Variants in CDK19 observed in about 807,000 individuals in gnomAD.
CDK19 encodes the protein cyclin-dependent kinase 19.
CDK19 carries 20 observed loss-of-function variants against 68.3 expected under a neutral mutation model. The ratio of observed to expected loss-of-function variants is 0.29; its 90% CI spans 0.21 to 0.43. CDK19 has a LOEUF of 0.43. Among genes scored for constraint, CDK19 ranks in the 20% least tolerant of loss-of-function variants. CDK19 has a pLI of 1.00. For synonymous variants in CDK19, 221 were observed against 222.8 expected, an observed-to-expected ratio of 0.99 and a Z score of 0.07; for missense variants, 339 against 623.5, an observed-to-expected ratio of 0.54 and a Z score of 4.86.
chr6:110,744,287 G>C (rs1288592957), intron 2 of CDK19, among the ~76,000 whole-genome samples: 1 of 151,922 alleles, frequency 6.6e-6, no homozygotes, highest in African/African-American at 2.4e-5. Context: ...GGGATTATAA[G>C]TGTGAGCCAC....
chr6:110,763,667 G>A (rs1779381787), intron 1 of CDK19, among the ~76,000 whole-genome samples: 2 of 151,426 alleles, frequency 1.3e-5, no homozygotes, highest in Admixed American at 6.6e-5. Flanking sequence ...CGCCCGCCTC[G>A]GACTCCCAAA....
At chr6:110,634,769 T>C (rs1050863876) in intron 5 of CDK19, among the ~76,000 whole-genome samples, 3 of 152,224 alleles carry the variant, frequency 2.0e-5, no homozygotes, top group Non-Finnish European at 2.9e-5. Flanking sequence ...CCAATTGTTG[T>C]TGATGACAAA....
rs149276431 is a variant in CDK19, at chr6:110,648,757, G to A, written c.457-10051C>T. ...TTTTGAGATGGAGTCTTGCTCTGTC[G>A]CCCAGGCTGGAGTGCAGTGGCGCGA... On this transcript the variant is annotated intron_variant, in intron 4 of 12. Transcript: ENST00000368911. Among the ~76,000 whole-genome samples, 1,349 of 151,610 alleles carry A rather than the reference G, an allele frequency of 8.9e-3. 16 individuals carry two copies. Among genetic ancestry groups the A allele is most frequent in the Non-Finnish European group, 0.011 (737 of 67,908 alleles).
At chr6:110,626,646 G>A (rs895339053) in intron 8 of CDK19, 130 bp downstream of exon 8, 2 of 571,990 alleles carry the variant, frequency 3.5e-6, no homozygotes, top group African/African-American at 1.9e-5. Flanking sequence ...AAACATGCCA[G>A]TGCCTTGACC....
intron 1 of CDK19, among the ~76,000 whole-genome samples, chr6:110,804,373 T>TA (rs1425064394): frequency 6.6e-6 from 1 of 151,950 alleles, no homozygotes; most frequent in Non-Finnish European, 1.5e-5. Flanking sequence ...GATGGAGTCT[T>TA]ACTCTGTGGC....
intron 1 of CDK19, among the ~76,000 whole-genome samples, chr6:110,747,676 G>A (rs534500380): frequency 6.6e-6 from 1 of 152,132 alleles, no homozygotes; most frequent in Non-Finnish European, 1.5e-5. Context: ...GATACTCTGA[G>A]AATACCTACT....
chr6:110,717,502 C>G (rs1775498962), intron 2 of CDK19, among the ~76,000 whole-genome samples: 2 of 152,174 alleles, frequency 1.3e-5, no homozygotes, highest in African/African-American at 4.8e-5. Flanking sequence ...TCAAAGGTCT[C>G]TAATTCCATT....
At chr6:110,789,468 G>A (rs763207324) in intron 1 of CDK19, among the ~76,000 whole-genome samples, 3 of 152,196 alleles carry the variant, frequency 2.0e-5, no homozygotes, top group East Asian at 1.9e-4. Flanking sequence ...TAGTAGAGAC[G>A]GGGTTTCAGC....
chr6:110,714,728 T>C (rs1237822280), intron 2 of CDK19, among the ~76,000 whole-genome samples: 1 of 149,910 alleles, frequency 6.7e-6, no homozygotes, highest in East Asian at 1.9e-4. Flanking sequence ...TTTTCTTTTT[T>C]TTTTTTTTTT....
intron 4 of CDK19, among the ~76,000 whole-genome samples, chr6:110,646,840 T>A (rs1447036167): frequency 6.6e-6 from 1 of 151,916 alleles, no homozygotes; most frequent in African/African-American, 2.4e-5. Context: ...TCCTCCCAAG[T>A]GGGAGGAAGG....
intron 12 of CDK19, among the ~76,000 whole-genome samples, chr6:110,616,117 T>G (rs961946047): frequency 2.0e-5 from 3 of 152,220 alleles, no homozygotes; most frequent in Non-Finnish European, 4.4e-5. Flanking sequence ...ATGTCCCATT[T>G]AGCTGGCCCT....
At chr6:110,789,125 T>G (rs1440748646) in intron 1 of CDK19, among the ~76,000 whole-genome samples, 1 of 152,224 alleles carries the variant, frequency 6.6e-6, no homozygotes, top group Non-Finnish European at 1.5e-5. Flanking sequence ...GAATTGGCTA[T>G]GAAATTATTA....
At chr6:110,656,240 T>C (rs1781302237) in intron 4 of CDK19, among the ~76,000 whole-genome samples, 1 of 152,210 alleles carries the variant, frequency 6.6e-6, no homozygotes, top group African/African-American at 2.4e-5. Flanking sequence ...TAACTCTGTA[T>C]TCCCAGTACC....
chr6:110,787,097 C>T (rs146422511), intron 1 of CDK19, among the ~76,000 whole-genome samples: 82 of 152,196 alleles, frequency 5.4e-4, no homozygotes, highest in African/African-American at 1.6e-3. Flanking sequence ...CAGGGCCAGG[C>T]GCGGTGGCTC....
rs1341261774 is a variant in CDK19 at position 110,628,378 on chromosome 6, A to C, written c.647-1233T>G. On this transcript the variant is annotated intron_variant, in intron 6 of 12. Transcript: ENST00000368911. ...CCTCCAGTTTCAGTTACCTGCAGTC[A>C]ACCACTGCAGTTCGAAAATATTAAA... Among the ~76,000 whole-genome samples the C allele has an allele frequency of 5.3e-5, 8 of 152,232 alleles. No homozygotes were observed. The South Asian group carries it at 1.0e-3, about 20-fold the overall frequency.
At chr6:110,766,332 T>C (rs1281868249) in intron 1 of CDK19, among the ~76,000 whole-genome samples, 1 of 152,132 alleles carries the variant, frequency 6.6e-6, no homozygotes, top group African/African-American at 2.4e-5. Context: ...CCCAGCACTT[T>C]GGGAGGCCAA....
intron 1 of CDK19, among the ~76,000 whole-genome samples, chr6:110,781,544 A>C (rs565101789): frequency 2.0e-5 from 3 of 152,098 alleles, no homozygotes; most frequent in Admixed American, 6.6e-5. Context: ...AACTTGGTGA[A>C]AGCAAGACCC....
chr6:110,712,159 T>C (rs1160306389), intron 2 of CDK19, among the ~76,000 whole-genome samples: 3 of 152,180 alleles, frequency 2.0e-5, no homozygotes, highest in South Asian at 4.1e-4. Flanking sequence ...TGAGTTCAAA[T>C]AAGTTTGGGA....
At chr6:110,651,984 G>A (rs1781000894) in intron 4 of CDK19, among the ~76,000 whole-genome samples, 1 of 152,074 alleles carries the variant, frequency 6.6e-6, no homozygotes, top group Admixed American at 6.6e-5. Context: ...TGTGAAGGGA[G>A]AATCACTTGA....
Sources: gnomAD v4.1 joint callset for allele counts (sites outside exome capture counted in the v4.1 genomes callset) on GRCh38, gnomAD v4.1.1 for gene constraint, MANE v1.5 for transcripts, NCBI Gene and HGNC (gene_info 2026-07-23, HGNC 2026-07-21) for gene names.